SASS6: variants seen among roughly 807,000 people sequenced by gnomAD.
SASS6 encodes the protein SAS-6 centriolar assembly protein.
In SASS6, 59 loss-of-function variants were observed where a neutral mutation model predicts 94.9. The observed-to-expected ratio is 0.62, with a 90% CI of 0.50 to 0.77. SASS6 has a LOEUF of 0.77. Ranked by LOEUF, SASS6 falls within the 30% of genes least tolerant of loss-of-function variation. SASS6 has a pLI of 0.00. For synonymous variants in SASS6, 264 were observed against 270.0 expected (o/e 0.98, Z 0.22); for missense variants, 698 against 734.1 (o/e 0.95, Z 0.57).
chr1:100,113,841 C>T lies in SASS6; in HGVS notation c.670-3358G>A, dbSNP rs535895056. Among the ~76,000 whole-genome samples the T allele has an allele frequency of 2.6e-4, 39 of 151,744 alleles. 1 individual carries two copies. The highest frequency in any genetic ancestry group is 1.5e-3 in the South Asian group (7 of 4,794). On this transcript the variant is annotated intron_variant, in intron 7 of 16. Transcript: ENST00000287482. ...TTTAAAAATCACAAGACAATATGCA[C>T]GATATTGTACTAATATATTTAAACA... is the stretch of plus-strand genomic sequence containing the variant.
At chr1:100,122,141 G>C (rs956749538) in intron 4 of SASS6, among the ~76,000 whole-genome samples, 5 of 152,128 alleles carry the variant, frequency 3.3e-5, no homozygotes, top group Non-Finnish European at 7.4e-5. Flanking sequence ...CCAAATATTT[G>C]ATGCTGCTAA....
chr1:100,098,608 T>C (rs1652257509), intron 14 of SASS6, among the ~76,000 whole-genome samples: 1 of 149,884 alleles, frequency 6.7e-6, no homozygotes, highest in East Asian at 2.0e-4. Context: ...AATCTATTAG[T>C]ACCAGGCCAC....
At position 100,084,179 on chromosome 1, in the gene SASS6, C is replaced by A. The variant is rs922200060; in HGVS notation, c.*1149G>T. 1 of 151,552 alleles carries A rather than the reference C, an allele frequency of 6.6e-6. No homozygotes were observed. Among genetic ancestry groups the A allele is most frequent in the African/African-American group, 2.4e-5 (1 of 41,308 alleles). The allele number at this position is 151,552 out of a possible 1,614,324, so 9.4% of individuals were successfully genotyped here. On this transcript the variant is annotated 3_prime_UTR_variant, in exon 17 of 17. Transcript: ENST00000287482. ...AAAAATTAGCAAAGATTCTTTCTTACCATGGGACTCAGTAATGTTATTACA... is the reference window on the plus strand; with the variant it reads ...AAAAATTAGCAAAGATTCTTTCTTAACATGGGACTCAGTAATGTTATTACA...
At chr1:100,122,549 CTTTTTTTTTTTT>C (rs71075469) in intron 3 of SASS6, 65 bp from the exon 4 acceptor site, 9 of 212,116 alleles carry the variant, frequency 4.2e-5, no homozygotes, top group African/African-American at 3.1e-4. Context: ...GTTTTGGTGC[CTTTTTTTTTTTT>C]TTTTTTTTTG....
At chr1:100,113,933 G>C (rs1466120955) in intron 7 of SASS6, among the ~76,000 whole-genome samples, 1 of 151,986 alleles carries the variant, frequency 6.6e-6, no homozygotes, top group Non-Finnish European at 1.5e-5. Context: ...AGCTGAGGCA[G>C]GAGGATTGCC....
chr1:100,128,710 A>C (rs111676469), intron 1 of SASS6, among the ~76,000 whole-genome samples: 141 of 152,342 alleles, frequency 9.3e-4, no homozygotes, highest in Non-Finnish European at 1.6e-3. Context: ...ATAAAATGTT[A>C]TTTCTCATCT....
At chr1:100,129,237 TA>T (rs993910922) in intron 1 of SASS6, among the ~76,000 whole-genome samples, 258 of 139,776 alleles carry the variant, frequency 1.8e-3, no homozygotes, top group East Asian at 2.4e-3. Context: ...AGCCTCTCTC[TA>T]AAAAAAAAAA....
chr1:100,122,812 A>C lies in SASS6; in HGVS notation c.207-328T>G, dbSNP rs371273407. Among the ~76,000 whole-genome samples the C allele has an allele frequency of 9.4e-4, 143 of 152,102 alleles. No individual in the cohort carries two copies. In the East Asian group the frequency reaches 0.019, roughly 21 times the overall value. On this transcript the variant is annotated intron_variant, in intron 3 of 16. Coordinates refer to ENST00000287482, the MANE Select transcript of SASS6 (RefSeq NM_194292.3). ...ATGATCCGCCCTCTTCGGCCGCCCAAAGTGCTGGGATTACAGGCGTGAGCC... is the reference window on the plus strand; with the variant it reads ...ATGATCCGCCCTCTTCGGCCGCCCACAGTGCTGGGATTACAGGCGTGAGCC...
At chr1:100,114,264 T>C (rs1200427300) in intron 7 of SASS6, among the ~76,000 whole-genome samples, 1 of 152,150 alleles carries the variant, frequency 6.6e-6, no homozygotes, top group East Asian at 1.9e-4. Context: ...CTGAAAAATG[T>C]CCTTATTCAT....
intron 14 of SASS6, among the ~76,000 whole-genome samples, chr1:100,097,061 G>A (rs1652153426): frequency 1.3e-5 from 2 of 152,272 alleles, no homozygotes; most frequent in South Asian, 4.1e-4. Context: ...GTTGTAGTGA[G>A]CTGAGATTGC....
intron 14 of SASS6, among the ~76,000 whole-genome samples, chr1:100,095,652 C>A (rs1270209853): frequency 6.6e-6 from 1 of 152,212 alleles, no homozygotes; most frequent in Non-Finnish European, 1.5e-5. Context: ...GATGACATAA[C>A]TGTCTATGTG....
At chr1:100,130,688 A>AG (rs1654942633) in intron 1 of SASS6, among the ~76,000 whole-genome samples, 2 of 36,074 alleles carry the variant, frequency 5.5e-5, no homozygotes, top group South Asian at 1.9e-3. Flanking sequence ...GACTCTGTCT[A>AG]GAAAAAAAAA....
intron 14 of SASS6, among the ~76,000 whole-genome samples, chr1:100,094,428 G>GA (rs1651972144): frequency 1.3e-5 from 2 of 152,202 alleles, no homozygotes; most frequent in Admixed American, 1.3e-4. Context: ...AAATAAAAGA[G>GA]AAAAGACAGT....
chr1:100,127,996 T>G (rs1411537000), intron 1 of SASS6, among the ~76,000 whole-genome samples: 1 of 152,142 alleles, frequency 6.6e-6, no homozygotes, highest in East Asian at 1.9e-4. Flanking sequence ...GGTATTTAAC[T>G]TTTTATGGTG....
At chr1:100,098,760 A>G (rs1652266110) in intron 14 of SASS6, among the ~76,000 whole-genome samples, 1 of 152,232 alleles carries the variant, frequency 6.6e-6, no homozygotes. Context: ...AAAAGAAACA[A>G]AAACTTATAT....
chr1:100,104,662 G>A (rs993123553), intron 13 of SASS6, among the ~76,000 whole-genome samples: 2 of 151,924 alleles, frequency 1.3e-5, no homozygotes, highest in African/African-American at 2.4e-5. Context: ...GTTTCACCAC[G>A]TTGCCCAGGC....
chr1:100,105,546 A>G (rs1652838218), intron 13 of SASS6, among the ~76,000 whole-genome samples: 2 of 151,944 alleles, frequency 1.3e-5, no homozygotes, highest in African/African-American at 2.4e-5. Context: ...ACAAAACAAA[A>G]CAAAAAAAAG....
At chr1:100,091,518 A>T (rs1651683227) in intron 14 of SASS6, among the ~76,000 whole-genome samples, 1 of 152,006 alleles carries the variant, frequency 6.6e-6, no homozygotes, top group African/African-American at 2.4e-5. Context: ...AAACCAGAAG[A>T]AGTCAACCCC....
chr1:100,105,820 C>A lies in SASS6; in HGVS notation c.1492G>T (p.Ala498Ser). 6.2e-7 allele frequency: 1 copy of A among 1,613,048 alleles called. No individual in the cohort carries two copies. Among genetic ancestry groups the A allele is most frequent in the Non-Finnish European group, 8.5e-7 (1 of 1,179,348 alleles). Reference protein sequence around the residue: ...DVLGPSTTPPAHSSSNTIRSG... With the variant: ...DVLGPSTTPPSHSSSNTIRSG... ...CTGATTGTGTTGCTGCTGGAATGTG[C>A]AGGCGGAGTAGTAGAAGGTCCCAAT... The change falls in exon 13 of 17, where the codon GCA becomes TCA. Residue 498 changes from alanine (A) to serine (S), a missense_variant. Ala to Ser is a moderately conservative substitution (Grantham distance 99). Coordinates refer to ENST00000287482, the MANE Select transcript of SASS6 (RefSeq NM_194292.3).
Sources: allele counts gnomAD v4.1 joint callset (sites outside exome capture counted in the v4.1 genomes callset), GRCh38; gene constraint gnomAD v4.1.1; transcripts MANE v1.5; gene names NCBI Gene and HGNC (gene_info 2026-07-23, HGNC 2026-07-21).